The following RORA variants were observed in gnomAD, a reference collection of about 807,000 sequenced individuals.
RORA encodes the protein nuclear receptor ROR-alpha.
Under a neutral mutation model 69.5 loss-of-function variants are expected in RORA, and 7 were observed. That is an observed-to-expected ratio of 0.10 (90% CI 0.06 to 0.19). The LOEUF is 0.19. Among genes scored for constraint, RORA ranks in the 10% least tolerant of loss-of-function variants. The pLI, the probability that RORA is intolerant of heterozygous loss-of-function variation, is 1.00. For synonymous variants in RORA, 261 were observed against 240.8 expected, an observed-to-expected ratio of 1.08 and a Z score of -0.78; for missense variants, 457 against 663.0, an observed-to-expected ratio of 0.69 and a Z score of 3.41.
intron 1 of RORA, among the ~76,000 whole-genome samples, chr15:60,721,621 A>G (rs2071294570): frequency 1.3e-5 from 2 of 152,242 alleles, no homozygotes; most frequent in Non-Finnish European, 2.9e-5. Flanking sequence ...CTGCTAGTAA[A>G]CAAGTTTCTC....
chr15:60,877,125 G>A (rs918178564), intron 1 of RORA, among the ~76,000 whole-genome samples: 12 of 152,156 alleles, frequency 7.9e-5, no homozygotes, highest in Non-Finnish European at 8.8e-5. Context: ...TGCAGATATT[G>A]GGGAAGACTT....
intron 1 of RORA, among the ~76,000 whole-genome samples, chr15:61,068,213 G>GC (rs957359719): frequency 5.3e-5 from 8 of 152,112 alleles, no homozygotes; most frequent in Non-Finnish European, 1.0e-4. Context: ...AACACACTTG[G>GC]CCCATGATGG....
intron 1 of RORA, among the ~76,000 whole-genome samples, chr15:60,841,994 G>A (rs150446971): frequency 1.0e-3 from 153 of 152,096 alleles, no homozygotes; most frequent in Middle Eastern, 6.8e-3. Context: ...TCCTCCCCTC[G>A]CACTACAGTT....
At chr15:60,926,066 T>C (rs1595820967) in intron 1 of RORA, among the ~76,000 whole-genome samples, 1 of 152,238 alleles carries the variant, frequency 6.6e-6, no homozygotes, top group East Asian at 1.9e-4. Flanking sequence ...ACAACTAGGA[T>C]ACAAGGCTGC....
intron 1 of RORA, among the ~76,000 whole-genome samples, chr15:60,866,386 C>A (rs2073487195): frequency 6.6e-6 from 1 of 152,206 alleles, no homozygotes; most frequent in African/African-American, 2.4e-5. Flanking sequence ...TATATTTGGT[C>A]TTCATCCATT....
At chr15:60,755,070 G>T (rs1467566731) in intron 1 of RORA, among the ~76,000 whole-genome samples, 1 of 150,016 alleles carries the variant, frequency 6.7e-6, no homozygotes, top group Non-Finnish European at 1.5e-5. Context: ...TGCCATGTTG[G>T]TGTGCTGCAC....
At chr15:60,921,915 A>G (rs1478669825) in intron 1 of RORA, among the ~76,000 whole-genome samples, 1 of 152,158 alleles carries the variant, frequency 6.6e-6, no homozygotes, top group East Asian at 1.9e-4. Flanking sequence ...TAAAAATGTG[A>G]TGGACAATAT....
chr15:60,558,822 T>C (rs1046502549), intron 2 of RORA, among the ~76,000 whole-genome samples: 1 of 151,848 alleles, frequency 6.6e-6, no homozygotes, highest in African/African-American at 2.4e-5. Flanking sequence ...CAGGTAGCAA[T>C]GTCTACTTTA....
At chr15:60,649,045 G>A (rs564837156) in intron 2 of RORA, among the ~76,000 whole-genome samples, 10 of 152,202 alleles carry the variant, frequency 6.6e-5, no homozygotes, top group African/African-American at 1.9e-4. Flanking sequence ...CTCAGAAGCC[G>A]ATAAGGCTGC....
chr15:61,188,355 A>C (rs1413518514), intron 1 of RORA, among the ~76,000 whole-genome samples: 5 of 152,190 alleles, frequency 3.3e-5, no homozygotes, highest in African/African-American at 1.2e-4. Context: ...TTTATTTACA[A>C]AACCAGGCTG....
intron 1 of RORA, among the ~76,000 whole-genome samples, chr15:60,856,000 T>C (rs2073376106): frequency 7.0e-6 from 1 of 141,906 alleles, no homozygotes; most frequent in Non-Finnish European, 1.6e-5. Context: ...TAACCTCATA[T>C]ATACTGAATC....
intron 1 of RORA, among the ~76,000 whole-genome samples, chr15:61,022,327 C>A (rs928951067): frequency 5.9e-5 from 9 of 152,074 alleles, no homozygotes; most frequent in African/African-American, 2.2e-4. Context: ...CAAACATGTT[C>A]ATTAATTTGT....
At chr15:60,592,428 G>A (rs1403502495) in intron 2 of RORA, 3 of 1,430,674 alleles carry the variant, frequency 2.1e-6, no homozygotes, top group Admixed American at 5.2e-5. Context: ...TTAAGCCGCG[G>A]TGCGGAGAGC....
At chr15:60,980,244 TG>T (rs1207521174) in intron 1 of RORA, among the ~76,000 whole-genome samples, 3 of 152,212 alleles carry the variant, frequency 2.0e-5, no homozygotes, top group Admixed American at 2.0e-4. Flanking sequence ...TTAGCTATAA[TG>T]TCCAGCCCTT....
intron 1 of RORA, among the ~76,000 whole-genome samples, chr15:60,776,935 TTGTC>T (rs2072175929): frequency 1.3e-5 from 2 of 152,354 alleles, no homozygotes; most frequent in South Asian, 4.1e-4. Context: ...TTACTGCTAA[TTGTC>T]TGTCTTCTCT....
chr15:61,047,647 T>G (rs1897095963), intron 1 of RORA, among the ~76,000 whole-genome samples: 1 of 152,230 alleles, frequency 6.6e-6, no homozygotes, highest in Admixed American at 6.5e-5. Flanking sequence ...ATCTGAAGCA[T>G]CACTCATTTT....
At chr15:61,116,583 T>A (rs534349761) in intron 1 of RORA, among the ~76,000 whole-genome samples, 1 of 152,256 alleles carries the variant, frequency 6.6e-6, no homozygotes, top group South Asian at 2.1e-4. Flanking sequence ...GCCATTGAAA[T>A]GTGACACTTT....
rs1369957341 is a variant in RORA, at chr15:61,131,243, G to C, written c.166+97810C>G. On this transcript the variant is annotated intron_variant, in intron 1 of 10. Coordinates refer to ENST00000335670, the MANE Select transcript of RORA (RefSeq NM_134261.3). The surrounding 1 kb of genome is among the most constrained non-coding windows in gnomAD (Gnocchi z 4.2). ...AGGATCTATGTCACTAACTCTCTAG[G>C]TGGCCTCATCCCACTTGTGATTCAG... Among the ~76,000 whole-genome samples the C allele has an allele frequency of 1.3e-5, 2 of 152,176 alleles. No individual in the cohort carries two copies. Among genetic ancestry groups the C allele is most frequent in the African/African-American group, 4.8e-5 (2 of 41,444 alleles).
At chr15:61,042,905 A>C (rs1896850840) in intron 1 of RORA, among the ~76,000 whole-genome samples, 1 of 152,224 alleles carries the variant, frequency 6.6e-6, no homozygotes, top group Admixed American at 6.5e-5. Flanking sequence ...AAAGCAATGC[A>C]TCAAAGAGTG....
Sources: allele counts gnomAD v4.1 joint callset (sites outside exome capture counted in the v4.1 genomes callset), GRCh38; gene constraint gnomAD v4.1.1; non-coding constraint Gnocchi (gnomAD v3.1); transcripts MANE v1.5; gene names NCBI Gene and HGNC (gene_info 2026-07-23, HGNC 2026-07-21).